PLXDC2: variants seen among roughly 807,000 people sequenced by gnomAD.
PLXDC2 encodes the protein plexin domain containing 2.
In PLXDC2, 40 loss-of-function variants were observed where a neutral mutation model predicts 68.9. The observed-to-expected ratio is 0.58, with a 90% CI of 0.45 to 0.76. The LOEUF is 0.76. PLXDC2 is among the 30% of genes least tolerant of loss of function. PLXDC2 has a pLI of 0.00. For missense variants in PLXDC2, 644 were observed against 661.9 expected (o/e 0.97, Z 0.30); for synonymous variants, 243 against 234.2 (o/e 1.04, Z -0.34).
intron 12 of PLXDC2, among the ~76,000 whole-genome samples, chr10:20,223,879 C>T (rs562826617): frequency 3.9e-5 from 6 of 152,006 alleles, no homozygotes; most frequent in African/African-American, 1.4e-4. Context: ...AGTTTATGTT[C>T]AAAATCTGAT....
intron 1 of PLXDC2, among the ~76,000 whole-genome samples, chr10:19,976,628 G>T (rs1011182340): frequency 6.6e-6 from 1 of 152,154 alleles, no homozygotes; most frequent in Admixed American, 6.5e-5. Flanking sequence ...CCAGATGTGG[G>T]TATAATTCTT....
intron 4 of PLXDC2, among the ~76,000 whole-genome samples, chr10:20,135,597 T>C (rs1213037427): frequency 6.6e-6 from 1 of 152,230 alleles, no homozygotes; most frequent in Non-Finnish European, 1.5e-5. Context: ...TGTTTGTTTT[T>C]TGTCTATCTT....
chr10:20,242,898 A>G (rs1835536208), intron 12 of PLXDC2, among the ~76,000 whole-genome samples: 1 of 151,982 alleles, frequency 6.6e-6, no homozygotes, highest in Non-Finnish European at 1.5e-5. Flanking sequence ...TTTAGTAGAG[A>G]CAGGGTTTCT....
intron 1 of PLXDC2, among the ~76,000 whole-genome samples, chr10:19,997,941 G>C (rs1002786703): frequency 6.6e-6 from 1 of 152,086 alleles, no homozygotes; most frequent in Non-Finnish European, 1.5e-5. Flanking sequence ...TCAAAGCTTC[G>C]TCTTCTTATA....
intron 1 of PLXDC2, among the ~76,000 whole-genome samples, chr10:19,947,113 G>A (rs1384120929): frequency 6.6e-6 from 1 of 152,134 alleles, no homozygotes; most frequent in Non-Finnish European, 1.5e-5. Context: ...GATAGGGGAA[G>A]CCAAGGAATG....
At chr10:19,855,479 G>A (rs1463676001) in intron 1 of PLXDC2, among the ~76,000 whole-genome samples, 1 of 152,012 alleles carries the variant, frequency 6.6e-6, no homozygotes, top group East Asian at 1.9e-4. Flanking sequence ...TTCTTCTTTT[G>A]TAAAACTTTT....
At chr10:19,838,190 T>C (rs940039447) in intron 1 of PLXDC2, among the ~76,000 whole-genome samples, 2 of 152,092 alleles carry the variant, frequency 1.3e-5, no homozygotes, top group African/African-American at 4.8e-5. Context: ...CTCAAACTTT[T>C]GGGCTCTAGC....
rs149717805 is a variant in PLXDC2, at chr10:20,273,515, T to A, written c.1474-6188T>A. On this transcript the variant is annotated intron_variant, in intron 13 of 13. Coordinates refer to ENST00000377252, the MANE Select transcript of PLXDC2 (RefSeq NM_032812.9). ...ACATCCGACTTCTAGGACATATACA[T>A]AGAGCACGATATAGATAGATATACA... 2.7e-5 allele frequency among the ~76,000 whole-genome samples: 4 copies of A among 150,904 alleles called. No individual in the cohort carries two copies. The East Asian group carries it at 5.8e-4, about 22-fold the overall frequency.
intron 13 of PLXDC2, among the ~76,000 whole-genome samples, chr10:20,258,500 T>A (rs1215904065): frequency 2.0e-5 from 3 of 152,182 alleles, no homozygotes; most frequent in Admixed American, 1.3e-4. Context: ...GAAATTTAAG[T>A]TGGCATTTGT....
intron 2 of PLXDC2, among the ~76,000 whole-genome samples, chr10:20,005,936 TCCCA>T (rs1296380051): frequency 1.3e-5 from 2 of 152,126 alleles, no homozygotes; most frequent in East Asian, 3.9e-4. Context: ...ACACCTGTAA[TCCCA>T]GCACTTTGGT....
chr10:20,092,715 A>G (rs1272156874), intron 4 of PLXDC2, among the ~76,000 whole-genome samples: 1 of 152,086 alleles, frequency 6.6e-6, no homozygotes, highest in Non-Finnish European at 1.5e-5. Flanking sequence ...ATCAAATTAA[A>G]TATCTTGAGG....
intron 9 of PLXDC2, among the ~76,000 whole-genome samples, chr10:20,191,345 C>G (rs1474824289): frequency 6.6e-6 from 1 of 151,846 alleles, no homozygotes; most frequent in East Asian, 1.9e-4. Flanking sequence ...TTCAATGACA[C>G]TTCACAGTCA....
intron 4 of PLXDC2, among the ~76,000 whole-genome samples, chr10:20,102,806 G>A (rs778430626): frequency 2.0e-5 from 3 of 152,128 alleles, no homozygotes; most frequent in Non-Finnish European, 2.9e-5. Flanking sequence ...GAAAAATGGC[G>A]GCTGGAGGTA....
chr10:20,154,704 ATATACTTGGCATTTG>A (rs1342391677), intron 6 of PLXDC2, among the ~76,000 whole-genome samples: 1 of 151,900 alleles, frequency 6.6e-6, no homozygotes, highest in Non-Finnish European at 1.5e-5. Flanking sequence ...TATTCTCTTG[ATATACTTGGCATTTG>A]TAATCACTCT....
intron 9 of PLXDC2, among the ~76,000 whole-genome samples, chr10:20,187,763 A>T (rs1239787115): frequency 6.6e-6 from 1 of 151,908 alleles, no homozygotes; most frequent in African/African-American, 2.4e-5. Context: ...CTTTTAACAA[A>T]AGTGAAAAAT....
intron 1 of PLXDC2, among the ~76,000 whole-genome samples, chr10:19,919,704 G>A (rs1462940849): frequency 6.6e-6 from 1 of 152,148 alleles, no homozygotes; most frequent in Non-Finnish European, 1.5e-5. Context: ...CAGACCTTTG[G>A]TTTATTTTGC....
At chr10:19,971,801 G>A (rs1028523149) in intron 1 of PLXDC2, among the ~76,000 whole-genome samples, 4 of 151,980 alleles carry the variant, frequency 2.6e-5, no homozygotes, top group Non-Finnish European at 5.9e-5. Context: ...ATAACAAGTC[G>A]ACTCAGCCCA....
At chr10:20,087,643 G>A (rs2131727440) in intron 4 of PLXDC2, among the ~76,000 whole-genome samples, 1 of 152,166 alleles carries the variant, frequency 6.6e-6, no homozygotes, top group East Asian at 1.9e-4. Flanking sequence ...CTGGCAGTTG[G>A]ATATACTATC....
At chr10:20,041,483 T>G (rs900068239) in intron 2 of PLXDC2, among the ~76,000 whole-genome samples, 29 of 152,206 alleles carry the variant, frequency 1.9e-4, no homozygotes, top group African/African-American at 6.8e-4. Flanking sequence ...AAAACCTCAG[T>G]AGGAAATTTT....
Sources: allele counts gnomAD v4.1 joint callset (sites outside exome capture counted in the v4.1 genomes callset), GRCh38; gene constraint gnomAD v4.1.1; transcripts MANE v1.5; gene names NCBI Gene and HGNC (gene_info 2026-07-23, HGNC 2026-07-21).